Variants in ASTN1 observed in about 807,000 individuals in gnomAD.
ASTN1 encodes astrotactin-1.
Under a neutral mutation model 140.7 loss-of-function variants are expected in ASTN1, and 41 were observed. That is an observed-to-expected ratio of 0.29 (90% CI 0.23 to 0.38). The LOEUF (loss-of-function observed/expected upper bound fraction) is 0.38. Among genes scored for constraint, ASTN1 ranks in the 10% least tolerant of loss-of-function variants. The probability of loss-of-function intolerance (pLI) is 1.00; values close to 1 mark genes in which losing one functional copy is unlikely to be tolerated. For synonymous variants in ASTN1, 640 were observed against 652.2 expected (o/e 0.98, Z 0.29); for missense variants, 1,479 against 1,678.8 (o/e 0.88, Z 2.08).
rs939926773 is a variant in ASTN1 at position 177,142,913 on chromosome 1, G to C, written c.283+21481C>G. Among the ~76,000 whole-genome samples, 3 of 151,576 alleles carry C rather than the reference G, an allele frequency of 2.0e-5. No individual in the cohort carries two copies. The South Asian group carries it at 6.3e-4, about 32-fold the overall frequency. On this transcript the variant is annotated intron_variant, in intron 1 of 22. Coordinates refer to ENST00000361833, the MANE Select transcript of ASTN1 (RefSeq NM_004319.3). ...GGAGGAAAAAAAAAAAGGGGGGGAG[G>C]GGTGCTGAGTTTCAAGAGCCACAAA...
At chr1:176,904,668 G>A (rs1288272044) in intron 16 of ASTN1, among the ~76,000 whole-genome samples, 1 of 152,148 alleles carries the variant, frequency 6.6e-6, no homozygotes, top group Non-Finnish European at 1.5e-5. Flanking sequence ...TTCCTGCTTG[G>A]GAGGCTGAGC....
intron 1 of ASTN1, among the ~76,000 whole-genome samples, chr1:177,146,169 A>T (rs1370930950): frequency 6.6e-6 from 1 of 152,036 alleles, no homozygotes; most frequent in African/African-American, 2.4e-5. Flanking sequence ...TTTTTTGCAA[A>T]TTTTTTAAAT....
At chr1:177,102,503 A>G (rs1001827280) in intron 1 of ASTN1, among the ~76,000 whole-genome samples, 1 of 152,214 alleles carries the variant, frequency 6.6e-6, no homozygotes, top group African/African-American at 2.4e-5. Flanking sequence ...AGGTAACTTT[A>G]AACTTCACTC....
chr1:176,890,809 T>A (rs1475017674), intron 17 of ASTN1, among the ~76,000 whole-genome samples: 1 of 152,180 alleles, frequency 6.6e-6, no homozygotes, highest in East Asian at 1.9e-4. Flanking sequence ...GAGGATCACC[T>A]GAGTTCAGAA....
chr1:177,116,099 A>T (rs1275621757), intron 1 of ASTN1, among the ~76,000 whole-genome samples: 1 of 152,210 alleles, frequency 6.6e-6, no homozygotes, highest in African/African-American at 2.4e-5. Flanking sequence ...AGAAAAATCA[A>T]GTTCTCATCC....
chr1:176,938,895 C>G (rs1157009499), intron 14 of ASTN1, among the ~76,000 whole-genome samples: 2 of 152,070 alleles, frequency 1.3e-5, no homozygotes, highest in East Asian at 3.9e-4. Flanking sequence ...AGGCAGATCA[C>G]TTGAGGTCAG....
chr1:177,029,792 G>C, intron 4 of ASTN1, 51 bp from the exon 5 acceptor site: 1 of 1,521,432 alleles, frequency 6.6e-7, no homozygotes, highest in Non-Finnish European at 9.0e-7. Flanking sequence ...CTGGTTTCAT[G>C]ACACCAAACC....
rs578030941 is a variant in ASTN1, at chr1:176,934,438, G to C, written c.2483-98C>G. ...GTCCCAAACATGGAAGTGCCTGTGT[G>C]GCTCAAAGTGATGTGGGAGAGCTAG... On this transcript the variant is annotated intron_variant, in intron 15 of 22. Transcript: ENST00000361833. 5 of 1,230,330 alleles carry C rather than the reference G, an allele frequency of 4.1e-6. No homozygotes were observed. The East Asian group carries it at 9.8e-5, about 24-fold the overall frequency. 76.2% of individuals were successfully genotyped at this position (1,230,330 alleles called of 1,614,324 possible). A position where few individuals can be genotyped will look rare whatever the true frequency, so the allele number is the denominator to read the frequency against.
At chr1:177,098,160 T>A (rs1464928453) in intron 1 of ASTN1, among the ~76,000 whole-genome samples, 1 of 152,186 alleles carries the variant, frequency 6.6e-6, no homozygotes, top group Non-Finnish European at 1.5e-5. Flanking sequence ...TAGCCTGGAC[T>A]TGCCATTGGC....
At chr1:176,858,978 C>T (rs547834175), downstream of ASTN1, among the ~76,000 whole-genome samples, 2 of 152,280 alleles carry the variant, frequency 1.3e-5, no homozygotes, top group African/African-American at 4.8e-5. Context: ...CTTCTTCTTT[C>T]TTAAGAGTAT....
rs201077490 is a variant in ASTN1 at position 176,946,137 on chromosome 1, C to A, written c.2055-17G>T. On this transcript the variant is annotated splice_polypyrimidine_tract_variant and intron_variant, in intron 12 of 22. Transcript: ENST00000361833. ...TCGATGCACCTAGCACAGAGGAGAG[C>A]TCAATATAAGAAGTTATTCCATCAA... 5.4e-5 allele frequency: 84 copies of A among 1,546,170 alleles called. No homozygotes were observed. The highest frequency in any genetic ancestry group is 1.4e-4 in the Admixed American group (8 of 55,898).
intron 1 of ASTN1, among the ~76,000 whole-genome samples, chr1:177,070,769 C>T (rs1678597128): frequency 6.6e-6 from 1 of 152,132 alleles, no homozygotes; most frequent in Non-Finnish European, 1.5e-5. Context: ...GTGGGAGTGG[C>T]AATTGAGTGG....
intron 8 of ASTN1, among the ~76,000 whole-genome samples, chr1:176,994,396 T>C (rs773224027): frequency 6.6e-6 from 1 of 152,154 alleles, no homozygotes; most frequent in Admixed American, 6.5e-5. Context: ...TTTCCCAGAC[T>C]GGAGTGCAGT....
chr1:177,032,593 T>C lies in ASTN1; in HGVS notation c.728A>G (p.Glu243Gly). ...GTGGCGCAGATCAGTGATGTCATAC[T>C]CATAGCCGTCCAGGATAGGTGTCTC... ...IRETPILDGY[E>G]YDITDLRHHL... The change falls in exon 3 of 23, where the codon GAG (glutamate) becomes GGG (glycine). Residue 243 changes from glutamate to glycine, a missense_variant. Coordinates refer to ENST00000361833, the MANE Select transcript of ASTN1 (RefSeq NM_004319.3). 6.2e-7 allele frequency: 1 copy of C among 1,614,168 alleles called. No homozygotes were observed. The highest frequency in any genetic ancestry group is 8.5e-7 in the Non-Finnish European group (1 of 1,180,032).
At chr1:176,983,925 C>T (rs980088095) in intron 8 of ASTN1, among the ~76,000 whole-genome samples, 1 of 152,198 alleles carries the variant, frequency 6.6e-6, no homozygotes, top group Admixed American at 6.5e-5. Flanking sequence ...CAGCCTCAAT[C>T]CACTCATACA....
intron 14 of ASTN1, 70 bp downstream of exon 14, chr1:176,943,821 C>A (rs1270415197): frequency 1.3e-6 from 2 of 1,494,224 alleles, no homozygotes; most frequent in Non-Finnish European, 1.8e-6. Context: ...GAGGTCAAAT[C>A]TTAATTTTAT....
chr1:176,868,754 T>C (rs1668223928), intron 22 of ASTN1, 90 bp downstream of exon 22: 1 of 1,360,398 alleles, frequency 7.4e-7, no homozygotes, highest in Non-Finnish European at 9.9e-7. Context: ...ATCCAGGAAA[T>C]CTCTACAACT....
chr1:177,023,606 T>C, intron 6 of ASTN1, 35 bp from the exon 7 acceptor site: 3 of 1,532,604 alleles, frequency 2.0e-6, no homozygotes, highest in Non-Finnish European at 2.6e-6. Flanking sequence ...TGCCTATATG[T>C]GCAACACAGC....
chr1:177,002,214 G>T (rs1258481126), intron 8 of ASTN1, among the ~76,000 whole-genome samples: 1 of 152,126 alleles, frequency 6.6e-6, no homozygotes, highest in Non-Finnish European at 1.5e-5. Context: ...TAAACTTGTT[G>T]AGAAGGGCCA....
Sources: gnomAD v4.1 joint callset for allele counts (sites outside exome capture counted in the v4.1 genomes callset) on GRCh38, gnomAD v4.1.1 for gene constraint, MANE v1.5 for transcripts, NCBI Gene and HGNC (gene_info 2026-07-23, HGNC 2026-07-21) for gene names.